Variants in TBC1D9 observed in about 807,000 individuals in gnomAD.
The protein encoded by TBC1D9 is TBC1 domain family member 9.
TBC1D9 carries 63 observed loss-of-function variants against 132.0 expected under a neutral mutation model. The ratio of observed to expected loss-of-function variants is 0.48; its 90% CI spans 0.39 to 0.59. TBC1D9 has a LOEUF of 0.59. TBC1D9 is among the 20% of genes least tolerant of loss of function. The probability of loss-of-function intolerance (pLI) is 0.00; values close to 1 mark genes in which losing one functional copy is unlikely to be tolerated. For missense variants in TBC1D9, 1,261 were observed against 1,592.7 expected, an observed-to-expected ratio of 0.79 and a Z score of 3.54; for synonymous variants, 610 against 609.9, an observed-to-expected ratio of 1.00 and a Z score of 0.00.
intron 7 of TBC1D9, chr4:140,670,462 G>C: frequency 2.2e-6 from 1 of 446,150 alleles, no homozygotes; most frequent in Non-Finnish European, 4.1e-6. Context: ...TGAGTCACTT[G>C]CTATGTAACT....
At chr4:140,668,871 AG>A (rs1472331566) in intron 9 of TBC1D9, 45 bp downstream of exon 9, 1 of 1,602,584 alleles carries the variant, frequency 6.2e-7, no homozygotes, top group East Asian at 2.2e-5. Context: ...CCTGGTGTGG[AG>A]TCCCACAGAC....
Position 140,643,383 on chromosome 4 carries a change from G to T in TBC1D9, c.2338-3955C>A, listed in dbSNP as rs561656201. On this transcript the variant is annotated intron_variant, in intron 13 of 20. Coordinates refer to ENST00000442267, the MANE Select transcript of TBC1D9 (RefSeq NM_015130.3). ...TGGGGAGGGCAGAGGCCTGGCCTGGGGCAGCTCCATGGCCACCTCCATGCC... is the reference window on the plus strand; with the variant it reads ...TGGGGAGGGCAGAGGCCTGGCCTGGTGCAGCTCCATGGCCACCTCCATGCC... 1.0e-5 allele frequency: 13 copies of T among 1,253,414 alleles called. No homozygotes were observed. In the East Asian group the frequency reaches 3.1e-4, roughly 30 times the overall value. 77.6% of individuals were successfully genotyped at this position (1,253,414 alleles called of 1,614,324 possible).
At position 140,756,154 on chromosome 4, in the gene TBC1D9, C is replaced by T. The variant is rs1214312333; in HGVS notation, c.-109G>A. 26 of 894,398 alleles carry T rather than the reference C, an allele frequency of 2.9e-5. No homozygotes were observed. The highest frequency in any genetic ancestry group is 3.8e-5 in the Non-Finnish European group (25 of 663,574). The allele number at this position is 894,398 out of a possible 1,614,324, so 55.4% of individuals were successfully genotyped here. A position where few individuals can be genotyped will look rare whatever the true frequency, so the allele number is the denominator to read the frequency against. ...GCACACGCGCGCCCGCCCGCCCGTC[C>T]GCTAGGTGCGGCGGCGGCGGCGGCA... On this transcript the variant is annotated 5_prime_UTR_variant, in exon 1 of 21. Coordinates refer to ENST00000442267, the MANE Select transcript of TBC1D9 (RefSeq NM_015130.3). This position sits in a 1 kb window ranked among gnomAD's most constrained non-coding sequence, Gnocchi z 5.6.
intron 1 of TBC1D9, among the ~76,000 whole-genome samples, chr4:140,702,986 T>C (rs1487025932): frequency 1.3e-5 from 2 of 152,200 alleles, no homozygotes; most frequent in African/African-American, 2.4e-5. Flanking sequence ...TACCCCAGGA[T>C]TGTTTTTGAA....
intron 1 of TBC1D9, among the ~76,000 whole-genome samples, chr4:140,734,380 T>G (rs1230700466): frequency 6.6e-6 from 1 of 152,196 alleles, no homozygotes; most frequent in Admixed American, 6.5e-5. Flanking sequence ...TTCACCCACC[T>G]TGGCCTCCCA....
At chr4:140,668,796 A>G in intron 9 of TBC1D9, 121 bp downstream of exon 9, 2 of 1,007,434 alleles carry the variant, frequency 2.0e-6, no homozygotes, top group South Asian at 3.5e-5. Flanking sequence ...AACATGATGT[A>G]GCTTTCAACT....
At chr4:140,642,488 C>T in intron 13 of TBC1D9, 1 of 1,078,672 alleles carries the variant, frequency 9.3e-7, no homozygotes, top group Middle Eastern at 2.0e-4. Flanking sequence ...TTTGATTTCC[C>T]CCCAGCACTG....
At chr4:140,755,704 C>T (rs1005419799) in intron 1 of TBC1D9, among the ~76,000 whole-genome samples, 6 of 152,204 alleles carry the variant, frequency 3.9e-5, no homozygotes, top group African/African-American at 1.4e-4. Context: ...GCGCTCAGTA[C>T]GCTGAGGGCC....
intron 2 of TBC1D9, among the ~76,000 whole-genome samples, chr4:140,688,841 T>C (rs1176275192): frequency 6.6e-6 from 1 of 152,218 alleles, no homozygotes; most frequent in Non-Finnish European, 1.5e-5. Flanking sequence ...TTTTGGAGTT[T>C]GAAAGCTTTA....
intron 1 of TBC1D9, among the ~76,000 whole-genome samples, chr4:140,724,868 T>C (rs1214103477): frequency 6.6e-6 from 1 of 152,196 alleles, no homozygotes; most frequent in Non-Finnish European, 1.5e-5. Flanking sequence ...AAATATCATT[T>C]TCACTTGTCA....
rs556925097 is a variant in TBC1D9 at position 140,704,898 on chromosome 4, C to T, written c.131-3284G>A. ...ACCCTACCTCTGCATTCACAACTGG[C>T]GCCACCAACTTCCACTAAGACTTGG... On this transcript the variant is annotated intron_variant, in intron 1 of 20. Coordinates refer to ENST00000442267, the MANE Select transcript of TBC1D9 (RefSeq NM_015130.3). Among the ~76,000 whole-genome samples, 8 of 152,322 alleles carry T rather than the reference C, an allele frequency of 5.3e-5. No individual in the cohort carries two copies. The East Asian group carries it at 1.3e-3, about 26-fold the overall frequency.
At chr4:140,734,147 T>A (rs926411614) in intron 1 of TBC1D9, among the ~76,000 whole-genome samples, 1 of 152,162 alleles carries the variant, frequency 6.6e-6, no homozygotes, top group African/African-American at 2.4e-5. Context: ...ATTTTTCTGA[T>A]TTTTTTGAGA....
intron 15 of TBC1D9, 33 bp from the exon 16 acceptor site, chr4:140,634,221 C>T (rs1016501587): frequency 6.3e-7 from 1 of 1,599,480 alleles, no homozygotes; most frequent in Non-Finnish European, 8.5e-7. Context: ...TGGGGACCCT[C>T]TTTTGCAGCA....
intron 2 of TBC1D9, among the ~76,000 whole-genome samples, chr4:140,692,077 C>T (rs1314450546): frequency 1.3e-5 from 2 of 152,152 alleles, no homozygotes; most frequent in African/African-American, 4.8e-5. Flanking sequence ...TCTGGGACTG[C>T]AGAACTTGAG....
At chr4:140,645,016 G>A in intron 13 of TBC1D9, 1 of 471,134 alleles carries the variant, frequency 2.1e-6, no homozygotes. Flanking sequence ...GACAACCAGG[G>A]GTGCGTGGCC....
At chr4:140,650,434 C>T (rs1460734338) in intron 13 of TBC1D9, among the ~76,000 whole-genome samples, 1 of 152,228 alleles carries the variant, frequency 6.6e-6, no homozygotes, top group African/African-American at 2.4e-5. Context: ...AGAAGCCCAC[C>T]CTTTCCTACC....
intron 8 of TBC1D9, 64 bp from the exon 9 acceptor site, chr4:140,669,131 T>C (rs1737495447): frequency 6.5e-7 from 1 of 1,531,430 alleles, no homozygotes; most frequent in Non-Finnish European, 9.0e-7. Context: ...AGAAGAGTGA[T>C]GGAAGGTCAG....
chr4:140,745,839 C>T (rs557669397), intron 1 of TBC1D9, among the ~76,000 whole-genome samples: 20 of 152,230 alleles, frequency 1.3e-4, no homozygotes, highest in African/African-American at 4.8e-4. Flanking sequence ...TAATACAGTA[C>T]TTACAAGCTG....
chr4:140,627,872 G>A (rs752193872), intron 17 of TBC1D9, among the ~76,000 whole-genome samples: 1 of 152,060 alleles, frequency 6.6e-6, no homozygotes, highest in Non-Finnish European at 1.5e-5. Flanking sequence ...TACCTCTATT[G>A]TTCGTGCCAA....
Sources: gnomAD v4.1 joint callset for allele counts (sites outside exome capture counted in the v4.1 genomes callset) on GRCh38, gnomAD v4.1.1 for gene constraint, Gnocchi (gnomAD v3.1) non-coding constraint, MANE v1.5 for transcripts, NCBI Gene and HGNC (gene_info 2026-07-23, HGNC 2026-07-21) for gene names.